Variants in CRTC3 observed in about 807,000 individuals in gnomAD.
CRTC3 encodes CREB-regulated transcription coactivator 3.
A neutral mutation model predicts 74.5 loss-of-function variants in CRTC3; 26 were observed. The observed-to-expected ratio is 0.35, with a 90% CI of 0.26 to 0.48. The LOEUF is 0.48. CRTC3 is among the 20% of genes least tolerant of loss of function. The probability of loss-of-function intolerance (pLI) is 0.99; values close to 1 mark genes in which losing one functional copy is unlikely to be tolerated. For missense variants in CRTC3, 760 were observed against 787.3 expected (o/e 0.97, Z 0.41); for synonymous variants, 377 against 325.8 (o/e 1.16, Z -1.69).
At chr15:90,534,276 C>T (rs760547782) in intron 1 of CRTC3, among the ~76,000 whole-genome samples, 53 of 152,196 alleles carry the variant, frequency 3.5e-4, no homozygotes, top group African/African-American at 1.3e-3. Flanking sequence ...GGGTGTTCTT[C>T]ATTAAGTGGA....
chr15:90,552,953 C>T (rs1248369446), intron 2 of CRTC3, among the ~76,000 whole-genome samples: 1 of 152,136 alleles, frequency 6.6e-6, no homozygotes, highest in East Asian at 1.9e-4. Flanking sequence ...TTAGCCAGCC[C>T]TACTCTTGGT....
chr15:90,585,208 G>A (rs560872331), intron 2 of CRTC3, among the ~76,000 whole-genome samples: 4 of 152,152 alleles, frequency 2.6e-5, no homozygotes, highest in Admixed American at 6.5e-5. Flanking sequence ...GCGGTGGTAT[G>A]ATCATAGCTC....
At chr15:90,631,636 G>A (rs1344549149) in intron 11 of CRTC3, among the ~76,000 whole-genome samples, 1 of 150,988 alleles carries the variant, frequency 6.6e-6, no homozygotes, top group Non-Finnish European at 1.5e-5. Flanking sequence ...GCTGCGACGT[G>A]AGAATTGCTT....
intron 3 of CRTC3, chr15:90,598,413 G>T (rs910023105): frequency 2.8e-6 from 2 of 702,962 alleles, no homozygotes; most frequent in Non-Finnish European, 5.2e-6. Context: ...CCTTCCTTTG[G>T]TGAAGAGTAA....
intron 5 of CRTC3, among the ~76,000 whole-genome samples, chr15:90,605,968 CA>C (rs1299521663): frequency 2.0e-5 from 3 of 152,350 alleles, no homozygotes; most frequent in South Asian, 2.1e-4. Flanking sequence ...CCTTAAAAAA[CA>C]TGGAGGCCTG....
At chr15:90,641,715 A>G (rs1969451077) in intron 14 of CRTC3, among the ~76,000 whole-genome samples, 1 of 151,212 alleles carries the variant, frequency 6.6e-6, no homozygotes, top group Admixed American at 6.6e-5. Flanking sequence ...ATCTTAGGTG[A>G]CTGATGACTG....
chr15:90,533,421 GGA>G (rs1491543651), intron 1 of CRTC3, among the ~76,000 whole-genome samples: 4 of 67,822 alleles, frequency 5.9e-5, no homozygotes, highest in East Asian at 4.7e-4. Context: ...ACTCCGCCTA[GGA>G]AAAAAAAAAA....
intron 2 of CRTC3, among the ~76,000 whole-genome samples, chr15:90,541,732 G>A (rs762878420): frequency 7.3e-5 from 11 of 150,558 alleles, no homozygotes; most frequent in Admixed American, 2.6e-4. Flanking sequence ...TTCCCCTCCG[G>A]TTGCATTGGG....
At chr15:90,599,296 T>C (rs1347920636) in intron 3 of CRTC3, 1 of 152,188 alleles carries the variant, frequency 6.6e-6, no homozygotes, top group Non-Finnish European at 1.5e-5. Flanking sequence ...GGCGCTGATG[T>C]GGTTGTTAAA....
In CRTC3 at chr15:90,560,013, T is replaced by A. The variant is rs555050055; in HGVS notation, c.231+19876T>A. Among the ~76,000 whole-genome samples the A allele has an allele frequency of 6.6e-5, 10 of 152,378 alleles. No homozygotes were observed. The South Asian group carries it at 1.9e-3, about 28-fold the overall frequency. On this transcript the variant is annotated intron_variant, in intron 2 of 14. Coordinates refer to ENST00000268184, the MANE Select transcript of CRTC3 (RefSeq NM_022769.5). ...TTCCTGTTCATAACCTTTTCTCAGTTTTTTTTCTTATCAAATTGTAGGAGT... is the reference window on the plus strand; with the variant it reads ...TTCCTGTTCATAACCTTTTCTCAGTATTTTTTCTTATCAAATTGTAGGAGT...
At chr15:90,541,256 C>G (rs1966797327) in intron 2 of CRTC3, among the ~76,000 whole-genome samples, 2 of 152,140 alleles carry the variant, frequency 1.3e-5, no homozygotes, top group South Asian at 4.1e-4. Flanking sequence ...TAAGATGAAG[C>G]ATTAATTGAT....
chr15:90,631,363 ATTC>A (rs1226878736), intron 11 of CRTC3, among the ~76,000 whole-genome samples: 6 of 151,988 alleles, frequency 3.9e-5, no homozygotes, highest in Non-Finnish European at 7.4e-5. Flanking sequence ...CTCAGCTGGG[ATTC>A]TTCAAGTAAA....
chr15:90,609,095 T>C (rs1968298375), intron 6 of CRTC3, among the ~76,000 whole-genome samples: 2 of 152,262 alleles, frequency 1.3e-5, no homozygotes, highest in South Asian at 4.1e-4. Context: ...TATTTCTTTG[T>C]ATATAGCAGG....
chr15:90,611,876 C>T (rs2151085601), intron 6 of CRTC3, among the ~76,000 whole-genome samples: 1 of 152,304 alleles, frequency 6.6e-6, no homozygotes, highest in South Asian at 2.1e-4. Context: ...GATCATGTCA[C>T]TTCTCCAACT....
chr15:90,592,502 A>C (rs577104187), intron 2 of CRTC3, among the ~76,000 whole-genome samples: 1 of 152,214 alleles, frequency 6.6e-6, no homozygotes, highest in Non-Finnish European at 1.5e-5. Flanking sequence ...TTGGCTTTTG[A>C]CAACCAAAAA....
chr15:90,642,497 T>C lies in CRTC3; in HGVS notation c.*357T>C, dbSNP rs1184644237. On this transcript the variant is annotated 3_prime_UTR_variant, in exon 15 of 15. Transcript: ENST00000268184. ...TGGAGGCCTCCGTAGCATTGTGTAG[T>C]GTGCTCAGAACCACTGATCTCCGTC... 5.0e-6 allele frequency: 2 copies of C among 397,776 alleles called. No homozygotes were observed. Among genetic ancestry groups the C allele is most frequent in the African/African-American group, 4.0e-5 (2 of 50,078 alleles). The allele number at this position is 397,776 out of a possible 1,614,324, so 24.6% of individuals were successfully genotyped here.
intron 2 of CRTC3, among the ~76,000 whole-genome samples, chr15:90,564,878 A>T (rs1171188750): frequency 6.7e-6 from 1 of 149,504 alleles, no homozygotes; most frequent in Non-Finnish European, 1.5e-5. Flanking sequence ...TACCCATTAC[A>T]AGCCTTGTGT....
At chr15:90,559,969 G>C (rs569570609) in intron 2 of CRTC3, among the ~76,000 whole-genome samples, 1 of 152,186 alleles carries the variant, frequency 6.6e-6, no homozygotes, top group East Asian at 1.9e-4. Context: ...CGGCCATTCT[G>C]GTTTCCTCTT....
rs180835935 is a variant in CRTC3, at chr15:90,583,100, A to T, written c.232-10536A>T. Reference sequence around the variant, plus strand: ...CGATCCTCCCACCTCGGCCTCCCAAAGTGCTGGGATTACACGTGTGAGCCA... The same window carrying T: ...CGATCCTCCCACCTCGGCCTCCCAATGTGCTGGGATTACACGTGTGAGCCA... On this transcript the variant is annotated intron_variant, in intron 2 of 14. Transcript: ENST00000268184. Among the ~76,000 whole-genome samples, 162 of 151,908 alleles carry T rather than the reference A, an allele frequency of 1.1e-3. 1 individual carries two copies. The highest frequency in any genetic ancestry group is 3.8e-3 in the African/African-American group (157 of 41,422).
Sources: allele counts gnomAD v4.1 joint callset (sites outside exome capture counted in the v4.1 genomes callset), GRCh38; gene constraint gnomAD v4.1.1; transcripts MANE v1.5; gene names NCBI Gene and HGNC (gene_info 2026-07-23, HGNC 2026-07-21).